Variants in ATP8B1 observed in about 807,000 individuals in gnomAD.
ATP8B1 encodes ATPase phospholipid transporting 8B1.
A neutral mutation model predicts 149.9 loss-of-function variants in ATP8B1; 80 were observed. That is an observed-to-expected ratio of 0.53 (90% CI 0.45 to 0.64). The LOEUF (loss-of-function observed/expected upper bound fraction) is 0.64, where lower values mean the gene tolerates loss of function less well. ATP8B1 is among the 30% of genes least tolerant of loss of function. The pLI, the probability that ATP8B1 is intolerant of heterozygous loss-of-function variation, is 0.00. For synonymous variants in ATP8B1, 536 were observed against 562.8 expected, an observed-to-expected ratio of 0.95 and a Z score of 0.67; for missense variants, 1,247 against 1,552.6, an observed-to-expected ratio of 0.80 and a Z score of 3.31.
chr18:57,672,771 C>T (rs1300865599), intron 16 of ATP8B1, among the ~76,000 whole-genome samples: 1 of 148,188 alleles, frequency 6.7e-6, no homozygotes, highest in African/African-American at 2.5e-5. Context: ...AAGGCTGAGG[C>T]AGGAGAATCA....
At chr18:57,673,652 A>G (rs456772) in intron 16 of ATP8B1, among the ~76,000 whole-genome samples, 45,985 of 149,346 alleles carry the variant, frequency 0.31, 7,601 homozygotes, top group East Asian at 0.65. Flanking sequence ...ATATATAATG[A>G]AATTACATAT....
At chr18:57,674,066 C>T (rs1225921264) in intron 16 of ATP8B1, among the ~76,000 whole-genome samples, 2 of 151,828 alleles carry the variant, frequency 1.3e-5, no homozygotes, top group Non-Finnish European at 2.9e-5. Context: ...AAATGTTCCA[C>T]CTGCTGCCCC....
chr18:57,672,905 TATATATATATATATATATATATATATAA>T (rs1408877950), intron 16 of ATP8B1, among the ~76,000 whole-genome samples: 3 of 65,714 alleles, frequency 4.6e-5, no homozygotes, highest in Non-Finnish European at 5.7e-5. Flanking sequence ...TATATATATA[TATATATATATATATATATATATATATAA>T]CATGTATATA....
intron 15 of ATP8B1, among the ~76,000 whole-genome samples, chr18:57,683,382 C>T (rs1912079673): frequency 6.6e-6 from 1 of 152,176 alleles, no homozygotes; most frequent in Non-Finnish European, 1.5e-5. Flanking sequence ...TCATTATGTC[C>T]ATTTGTGATA....
At chr18:57,664,376 G>A (rs1228465256) in intron 20 of ATP8B1, among the ~76,000 whole-genome samples, 1 of 151,188 alleles carries the variant, frequency 6.6e-6, no homozygotes, top group South Asian at 2.1e-4. Context: ...GCGTGGTGGC[G>A]GTGCCTGTAA....
At chr18:57,795,876 T>A (rs1419994340) in intron 1 of ATP8B1, among the ~76,000 whole-genome samples, 6 of 133,050 alleles carry the variant, frequency 4.5e-5, no homozygotes, top group Admixed American at 1.5e-4. Context: ...ATTTTACATT[T>A]AAAAAAAAAA....
At chr18:57,795,389 T>A (rs973260176) in intron 1 of ATP8B1, among the ~76,000 whole-genome samples, 1 of 151,840 alleles carries the variant, frequency 6.6e-6, no homozygotes, top group African/African-American at 2.4e-5. Flanking sequence ...GGCAACAGAG[T>A]GAGACCTTGT....
intron 6 of ATP8B1, among the ~76,000 whole-genome samples, chr18:57,698,984 C>T (rs1407979648): frequency 1.3e-5 from 2 of 152,204 alleles, no homozygotes; most frequent in African/African-American, 4.8e-5. Flanking sequence ...AGGATACTGT[C>T]CTGCCTCCAA....
At chr18:57,706,628 A>G (rs376408416) in intron 2 of ATP8B1, 41 bp from the exon 3 acceptor site, 5 of 1,486,182 alleles carry the variant, frequency 3.4e-6, no homozygotes, top group Non-Finnish European at 4.7e-6. Context: ...TAGCAAATTA[A>G]CATGTTGTTA....
intron 11 of ATP8B1, among the ~76,000 whole-genome samples, chr18:57,694,097 A>T (rs1912679275): frequency 6.6e-6 from 1 of 152,224 alleles, no homozygotes; most frequent in African/African-American, 2.4e-5. Context: ...CCTTCCAGTG[A>T]ATCATCAAAC....
chr18:57,703,348 T>A (rs911773592), intron 4 of ATP8B1, among the ~76,000 whole-genome samples: 1 of 152,014 alleles, frequency 6.6e-6, no homozygotes, highest in Admixed American at 6.6e-5. Flanking sequence ...GGCGGGTGGA[T>A]CACCTGAATT....
intron 1 of ATP8B1, among the ~76,000 whole-genome samples, chr18:57,761,072 AAAAT>A (rs1158390722): frequency 0.024 from 3,121 of 130,040 alleles, 132 homozygotes; most frequent in African/African-American, 0.083. Context: ...AACATAAAAT[AAAAT>A]AAATAAAATA....
rs543419663 is a variant in ATP8B1 at position 57,745,097 on chromosome 18, A to T, written c.-25-13265T>A. Among the ~76,000 whole-genome samples the T allele has an allele frequency of 2.0e-5, 3 of 152,346 alleles. No individual in the cohort carries two copies. The South Asian group carries it at 6.2e-4, about 32-fold the overall frequency. ...GACACTATTCAATGTTTTCAATGTC[A>T]GCAGTGGAGATGAATGAATCCTCAC... On this transcript the variant is annotated intron_variant, in intron 1 of 27. Coordinates refer to ENST00000648908, the MANE Select transcript of ATP8B1 (RefSeq NM_001374385.1).
chr18:57,801,814 A>C (rs1373945660), intron 1 of ATP8B1: 9 of 152,218 alleles, frequency 5.9e-5, no homozygotes, highest in African/African-American at 2.2e-4. Context: ...GCCAACAGGG[A>C]GGCCAGTTTC....
chr18:57,664,286 CA>C (rs1910714793), intron 20 of ATP8B1, among the ~76,000 whole-genome samples: 4 of 151,652 alleles, frequency 2.6e-5, no homozygotes, highest in Non-Finnish European at 5.9e-5. Flanking sequence ...ACGGGCAGAT[CA>C]GTCGAGGTCA....
intron 10 of ATP8B1, among the ~76,000 whole-genome samples, chr18:57,694,886 T>C (rs1307558619): frequency 6.6e-6 from 1 of 151,910 alleles, no homozygotes; most frequent in Non-Finnish European, 1.5e-5. Context: ...AAAAATTATC[T>C]GGGCATGGTG....
chr18:57,719,501 A>G (rs1195726469), intron 2 of ATP8B1, among the ~76,000 whole-genome samples: 2 of 152,166 alleles, frequency 1.3e-5, no homozygotes, highest in Non-Finnish European at 2.9e-5. Context: ...GGGGTGACGG[A>G]CGCACCTGGA....
intron 1 of ATP8B1, among the ~76,000 whole-genome samples, chr18:57,763,186 G>T (rs941157375): frequency 6.6e-6 from 1 of 152,106 alleles, no homozygotes; most frequent in African/African-American, 2.4e-5. Context: ...CTGAGGTCAA[G>T]GTTCGAGACC....
At chr18:57,743,130 A>C (rs1489613095) in intron 1 of ATP8B1, among the ~76,000 whole-genome samples, 1 of 152,208 alleles carries the variant, frequency 6.6e-6, no homozygotes, top group East Asian at 1.9e-4. Flanking sequence ...GTCGCCAGGC[A>C]ATGTCATTAC....
Sources: gnomAD v4.1 joint callset for allele counts (sites outside exome capture counted in the v4.1 genomes callset) on GRCh38, gnomAD v4.1.1 for gene constraint, MANE v1.5 for transcripts, NCBI Gene and HGNC (gene_info 2026-07-23, HGNC 2026-07-21) for gene names.